Variants in PROC observed in about 807,000 individuals in gnomAD.
PROC encodes the protein vitamin K-dependent protein C.
A neutral mutation model predicts 36.3 loss-of-function variants in PROC; 22 were observed. That is an observed-to-expected ratio of 0.61 (90% confidence interval 0.43 to 0.86). The LOEUF (loss-of-function observed/expected upper bound fraction) is 0.86. Among genes scored for constraint, PROC ranks in the 40% least tolerant of loss-of-function variants. PROC has a pLI of 0.00. For synonymous variants in PROC, 218 were observed against 244.5 expected, an observed-to-expected ratio of 0.89 and a Z score of 1.01; for missense variants, 526 against 629.7, an observed-to-expected ratio of 0.84 and a Z score of 1.76.
intron 3 of PROC, 41 bp from the exon 4 acceptor site, chr2:127,422,876 C>T: frequency 6.5e-7 from 1 of 1,548,868 alleles, no homozygotes; most frequent in Non-Finnish European, 8.7e-7. Context: ...CCCCTCCGCA[C>T]ACCGGCTGCA....
In PROC at chr2:127,423,422, A is replaced by G; in HGVS notation, c.535+14A>G. ...GTCACCCCGCAGGTGAGAAGCCCCCAATACATCGCCCAGGAATCACGCTGG... is the reference window on the plus strand; with the variant it reads ...GTCACCCCGCAGGTGAGAAGCCCCCGATACATCGCCCAGGAATCACGCTGG... On this transcript the variant is annotated intron_variant, in intron 6 of 8. Coordinates refer to ENST00000234071, the MANE Select transcript of PROC (RefSeq NM_000312.4). The G allele has an allele frequency of 6.5e-7, 1 of 1,547,018 alleles. No individual in the cohort carries two copies. Among genetic ancestry groups the G allele is most frequent in the African/African-American group, 1.4e-5 (1 of 72,858 alleles).
Position 127,418,593 on chromosome 2 carries a change from G to T in PROC, c.-22+101G>T, listed in dbSNP as rs762603200. 7.3e-5 allele frequency: 80 copies of T among 1,089,364 alleles called. No homozygotes were observed. Among genetic ancestry groups the T allele is most frequent in the African/African-American group, 9.7e-5 (6 of 61,548 alleles). 67.5% of individuals were successfully genotyped at this position (1,089,364 alleles called of 1,614,324 possible). On this transcript the variant is annotated intron_variant, in intron 1 of 8. Transcript: ENST00000234071. The surrounding 1 kb of genome is among the most constrained non-coding windows in gnomAD (Gnocchi z 4.8). ...ATGAGGGCTGAATCCTCCAGCCAGG[G>T]TGCTCAACAAGCCTGAGCTTGGGGT...
chr2:127,418,540 G>A lies in PROC; in HGVS notation c.-22+48G>A. ...CTATGAGGGGTGTGGAGGGAGGGCT[G>A]CCCCCGGGAGAAGAGAGCTAGGTGG... is the stretch of plus-strand genomic sequence containing the variant. On this transcript the variant is annotated intron_variant, in intron 1 of 8. Coordinates refer to ENST00000234071, the MANE Select transcript of PROC (RefSeq NM_000312.4). The surrounding 1 kb of genome is among the most constrained non-coding windows in gnomAD (Gnocchi z 4.8). 3 of 1,279,718 alleles carry A rather than the reference G, an allele frequency of 2.3e-6. No homozygotes were observed. The highest frequency in any genetic ancestry group is 3.1e-6 in the Non-Finnish European group (3 of 979,740). The allele number at this position is 1,279,718 out of a possible 1,614,324, so 79.3% of individuals were successfully genotyped here.
chr2:127,422,150 G>A (rs1351070031), intron 3 of PROC, among the ~76,000 whole-genome samples: 3 of 152,158 alleles, frequency 2.0e-5, no homozygotes, highest in Non-Finnish European at 2.9e-5. Context: ...TTCAGGGCAG[G>A]AGACCCTCTG....
Position 127,428,850 on chromosome 2 carries a change from C to T in PROC, c.1290C>T (p.His430=). The T allele has an allele frequency of 6.2e-7, 1 of 1,613,346 alleles. No homozygotes were observed. Among genetic ancestry groups the T allele is most frequent in the Non-Finnish European group, 8.5e-7 (1 of 1,179,686 alleles). Reference sequence around the variant, plus strand: ...GGGGTGAGGGCTGTGGGCTCCTTCACAACTACGGCGTTTACACCAAAGTCA... The same window carrying T: ...GGGGTGAGGGCTGTGGGCTCCTTCATAACTACGGCGTTTACACCAAAGTCA... The part of the protein sequence containing the change: ...VSWGEGCGLL[H]NYGVYTKVSR... The change falls in exon 9 of 9, where the codon CAC becomes CAT. Residue 430 remains histidine (H), a synonymous_variant. Coordinates refer to ENST00000234071, the MANE Select transcript of PROC (RefSeq NM_000312.4).
In PROC at chr2:127,426,430, A is replaced by T; in HGVS notation, c.678+203A>T. On this transcript the variant is annotated intron_variant, in intron 7 of 8. Transcript: ENST00000234071. The surrounding 1 kb of genome is among the most constrained non-coding windows in gnomAD (Gnocchi z 7.0). ...AGCCAGGGTGGGTGAGGGGAGGGGC[A>T]TGGGGGCATGGAGGGGTCTGCAGGA... 25 of 579,742 alleles carry T rather than the reference A, an allele frequency of 4.3e-5. No homozygotes were observed. Among genetic ancestry groups the T allele is most frequent in the East Asian group, 1.3e-4 (4 of 31,042 alleles). 35.9% of individuals were successfully genotyped at this position (579,742 alleles called of 1,614,324 possible). A position where few individuals can be genotyped will look rare whatever the true frequency, so the allele number is the denominator to read the frequency against.
At chr2:127,425,094 A>C (rs1450541610) in intron 6 of PROC, among the ~76,000 whole-genome samples, 1 of 152,132 alleles carries the variant, frequency 6.6e-6, no homozygotes, top group African/African-American at 2.4e-5. Context: ...GTCAGTGAGG[A>C]GGGCTTTCGC....
chr2:127,426,820 T>G lies in PROC; in HGVS notation c.679-285T>G, dbSNP rs1329613326. On this transcript the variant is annotated intron_variant, in intron 7 of 8. Coordinates refer to ENST00000234071, the MANE Select transcript of PROC (RefSeq NM_000312.4). The surrounding 1 kb of genome is among the most constrained non-coding windows in gnomAD (Gnocchi z 7.0). ...AAGTCTTCCTGGAAGACACAAGGCC[T>G]GGCCAAGCCTCTAAGGATGAGAGGA... Among the ~76,000 whole-genome samples, 2 of 152,216 alleles carry G rather than the reference T, an allele frequency of 1.3e-5. No homozygotes were observed. The highest frequency in any genetic ancestry group is 2.4e-5 in the African/African-American group (1 of 41,442).
At chr2:127,427,480 G>A (rs570179309) in intron 8 of PROC, among the ~76,000 whole-genome samples, 28 of 151,232 alleles carry the variant, frequency 1.9e-4, no homozygotes, top group Non-Finnish European at 3.8e-4. Context: ...ATGTTTGTGA[G>A]GGGCTACACA....
chr2:127,423,731 C>G (rs1001567406), intron 6 of PROC: 6 of 376,912 alleles, frequency 1.6e-5, no homozygotes, highest in Non-Finnish European at 2.9e-5. Context: ...CTGAGCGTAT[C>G]TGGGGCGAGG....
In PROC at chr2:127,421,336, C is replaced by T. The variant is rs774572099; in HGVS notation, c.124C>T (p.Arg42Cys). ...RAHQVLRIRKRANSFLEELRH... is the reference protein window; with the variant it reads ...RAHQVLRIRKCANSFLEELRH... ...CCACCAGGTGCTGCGGATCCGCAAA[C>T]GTGCCAACTCCTTCCTGGAGGAGCT... Residue 42 changes from arginine to cysteine, a missense_variant, in exon 3 of 9, where the codon CGT becomes TGT. Physicochemically the swap from Arg to Cys is radical, Grantham distance 180. Transcript: ENST00000234071. 9 of 1,613,788 alleles carry T rather than the reference C, an allele frequency of 5.6e-6. No individual in the cohort carries two copies. The highest frequency in any genetic ancestry group is 1.7e-5 in the Admixed American group (1 of 60,004).
At chr2:127,422,452 C>G (rs532919422) in intron 3 of PROC, among the ~76,000 whole-genome samples, 1 of 152,366 alleles carries the variant, frequency 6.6e-6, no homozygotes, top group South Asian at 2.1e-4. Context: ...CAGCAGCAAC[C>G]CTGGTACCTG....
chr2:127,418,767 C>A lies in PROC; in HGVS notation c.-22+275C>A, dbSNP rs1687907710. 6.6e-6 allele frequency among the ~76,000 whole-genome samples: 1 copy of A among 152,238 alleles called. No individual in the cohort carries two copies. Among genetic ancestry groups the A allele is most frequent in the Non-Finnish European group, 1.5e-5 (1 of 68,038 alleles). On this transcript the variant is annotated intron_variant, in intron 1 of 8. Coordinates refer to ENST00000234071, the MANE Select transcript of PROC (RefSeq NM_000312.4). This position sits in a 1 kb window ranked among gnomAD's most constrained non-coding sequence, Gnocchi z 4.8. ...TGGAGCCCAGGACCCTCCATTCTCC[C>A]CACCCCACTTCCACCTTTGGGGGTG...
chr2:127,426,373 G>C lies in PROC; in HGVS notation c.678+146G>C. Reference sequence around the variant, plus strand: ...TGATGAAGGTGGGGGATGCTTCAGGGAAAGATGGACGCAACCTGAGGGGAG... The same window carrying C: ...TGATGAAGGTGGGGGATGCTTCAGGCAAAGATGGACGCAACCTGAGGGGAG... On this transcript the variant is annotated intron_variant, in intron 7 of 8. Transcript: ENST00000234071. This position sits in a 1 kb window ranked among gnomAD's most constrained non-coding sequence, Gnocchi z 7.0. The C allele has an allele frequency of 1.7e-6, 2 of 1,196,866 alleles. No individual in the cohort carries two copies. The highest frequency in any genetic ancestry group is 2.7e-5 in the South Asian group (2 of 73,544). 74.1% of individuals were successfully genotyped at this position (1,196,866 alleles called of 1,614,324 possible). A position where few individuals can be genotyped will look rare whatever the true frequency, so the allele number is the denominator to read the frequency against.
chr2:127,425,732 C>A (rs1688449628), intron 6 of PROC, among the ~76,000 whole-genome samples: 1 of 151,880 alleles, frequency 6.6e-6, no homozygotes, highest in African/African-American at 2.4e-5. Flanking sequence ...GACTGACTGA[C>A]TGACTGACTG....
At chr2:127,420,322 T>G (rs991302455) in intron 2 of PROC, among the ~76,000 whole-genome samples, 7 of 152,162 alleles carry the variant, frequency 4.6e-5, no homozygotes, top group African/African-American at 1.2e-4. Flanking sequence ...CTCCCTCAAC[T>G]GTGAAGACCC....
In PROC at chr2:127,423,015, A is replaced by T; in HGVS notation, c.263-19A>T. 1 of 1,611,762 alleles carries T rather than the reference A, an allele frequency of 6.2e-7. No homozygotes were observed. The highest frequency in any genetic ancestry group is 8.5e-7 in the Non-Finnish European group (1 of 1,179,624). ...CGGGATCTCTGGCCGCTGACCCCCT[A>T]CCCCGCCTTGTGTCGCAGACGGTGA... is the stretch of plus-strand genomic sequence containing the variant. On this transcript the variant is annotated intron_variant, in intron 4 of 8. Transcript: ENST00000234071.
intron 6 of PROC, chr2:127,423,711 G>T: frequency 2.4e-6 from 1 of 424,930 alleles, no homozygotes; most frequent in Non-Finnish European, 4.2e-6. Context: ...TGGTGGCTCC[G>T]CTCCCCAGTC....
Position 127,428,683 on chromosome 2 carries a change from G to C in PROC, c.1123G>C (p.Glu375Gln), listed in dbSNP as rs368901479. 7.4e-6 allele frequency: 12 copies of C among 1,613,928 alleles called. No individual in the cohort carries two copies. Among genetic ancestry groups the C allele is most frequent in the Non-Finnish European group, 1.0e-5 (12 of 1,180,040 alleles). ...IPVVPHNECSEVMSNMVSENM... is the reference protein window; with the variant it reads ...IPVVPHNECSQVMSNMVSENM... The stretch of plus-strand genomic sequence containing the variant: ...CGTGGTCCCGCACAATGAGTGCAGC[G>C]AGGTCATGAGCAACATGGTGTCTGA... Residue 375 changes from glutamate (E) to glutamine (Q), a missense_variant, in exon 9 of 9, where the codon GAG becomes CAG. Physicochemically the swap from Glu to Gln is conservative, Grantham distance 29. Coordinates refer to ENST00000234071, the MANE Select transcript of PROC (RefSeq NM_000312.4).
Sources: gnomAD v4.1 joint callset for allele counts (sites outside exome capture counted in the v4.1 genomes callset) on GRCh38, gnomAD v4.1.1 for gene constraint, Gnocchi (gnomAD v3.1) non-coding constraint, MANE v1.5 for transcripts, NCBI Gene and HGNC (gene_info 2026-07-23, HGNC 2026-07-21) for gene names.